PNPLA7: variants seen among roughly 807,000 people sequenced by gnomAD.
The protein encoded by PNPLA7 is patatin like domain 7, lysophospholipase, also known as patatin-like phospholipase domain-containing protein 7.
In PNPLA7, 153 loss-of-function variants were observed where a neutral mutation model predicts 161.7. The ratio of observed to expected loss-of-function variants is 0.95; its 90% CI spans 0.83 to 1.08. The LOEUF (loss-of-function observed/expected upper bound fraction) is 1.08, where lower values mean the gene tolerates loss of function less well. Ranked by LOEUF, PNPLA7 falls within the 50% of genes least tolerant of loss-of-function variation. The pLI is 0.00. For synonymous variants in PNPLA7, 809 were observed against 782.1 expected, an observed-to-expected ratio of 1.03 and a Z score of -0.57; for missense variants, 1,739 against 1,856.6, an observed-to-expected ratio of 0.94 and a Z score of 1.16.
At chr9:137,511,129 C>T (rs1483231025) in intron 12 of PNPLA7, among the ~76,000 whole-genome samples, 2 of 152,196 alleles carry the variant, frequency 1.3e-5, no homozygotes, top group African/African-American at 4.8e-5. Context: ...GTGCCAGTGC[C>T]TGGGAAGGCA....
chr9:137,481,469 G>A, intron 21 of PNPLA7, among the ~76,000 whole-genome samples: 1 of 152,176 alleles, frequency 6.6e-6, no homozygotes, highest in East Asian at 1.9e-4. Context: ...CTGTTCGTAT[G>A]CATCTTCCAC....
At chr9:137,542,202 C>T (rs1215325743) in intron 7 of PNPLA7, among the ~76,000 whole-genome samples, 1 of 152,224 alleles carries the variant, frequency 6.6e-6, no homozygotes, top group Non-Finnish European at 1.5e-5. Flanking sequence ...AGCCCAGTGC[C>T]TCATGCCTGT....
At chr9:137,461,473 A>G (rs1471122139) in intron 33 of PNPLA7, 63 bp downstream of exon 33, 12 of 1,501,004 alleles carry the variant, frequency 8.0e-6, no homozygotes, top group Non-Finnish European at 1.1e-5. Flanking sequence ...GGGGGGTTCA[A>G]GCCCAACACA....
rs2132477679 is a variant in PNPLA7 at position 137,520,830 on chromosome 9, A to AGGGTC, written c.958-792_958-788dup. Among the ~76,000 whole-genome samples the AGGGTC allele has an allele frequency of 6.6e-6, 1 of 152,370 alleles. No individual in the cohort carries two copies. The highest frequency in any genetic ancestry group is 2.4e-5 in the African/African-American group (1 of 41,602). Reference sequence around the variant, plus strand: ...GTACCCTCCAAACGCGTCACAGTTCAGGGTCAGCTCCGCCCCACCCGGTTC... The same window carrying AGGGTC: ...GTACCCTCCAAACGCGTCACAGTTCAGGGTCGGGTCAGCTCCGCCCCACCCGGTTC... On this transcript the variant is annotated intron_variant, in intron 10 of 34. Coordinates refer to ENST00000406427, the MANE Select transcript of PNPLA7 (RefSeq NM_001098537.3). The surrounding 1 kb of genome is among the most constrained non-coding windows in gnomAD (Gnocchi z 5.2).
chr9:137,502,721 CGGGGGACGG>C (rs1564321647), intron 14 of PNPLA7, among the ~76,000 whole-genome samples: 3 of 12,150 alleles, frequency 2.5e-4, no homozygotes, highest in Non-Finnish European at 4.4e-4. Flanking sequence ...GCGGGGGACG[CGGGGGACGG>C]GGGGGACGAG....
At chr9:137,504,061 A>G (rs1387406922) in intron 14 of PNPLA7, among the ~76,000 whole-genome samples, 7 of 146,734 alleles carry the variant, frequency 4.8e-5, no homozygotes, top group Middle Eastern at 7.1e-3. Flanking sequence ...AGGAAGAAGA[A>G]GAAAGAAGAA....
chr9:137,500,471 G>T lies in PNPLA7; in HGVS notation c.1757+220C>A, dbSNP rs959265259. Among the ~76,000 whole-genome samples, 1 of 152,210 alleles carries T rather than the reference G, an allele frequency of 6.6e-6. No homozygotes were observed. Among genetic ancestry groups the T allele is most frequent in the Non-Finnish European group, 1.5e-5 (1 of 68,038 alleles). On this transcript the variant is annotated intron_variant, in intron 16 of 34. Transcript: ENST00000406427. This position sits in a 1 kb window ranked among gnomAD's most constrained non-coding sequence, Gnocchi z 5.5. ...ACAGCTGGGACCAGACCACAGAGAC[G>T]GCCGTGCGAAGCTGATCGCTGCGGG...
In PNPLA7 at chr9:137,500,646, G is replaced by A. The variant is rs746205850; in HGVS notation, c.1757+45C>T. ...CCACGCGGGGAGGGGTCTCAGGGCA[G>A]GGGGGGCTGGGGCCCGCCCTGAGGT... On this transcript the variant is annotated intron_variant, in intron 16 of 34. Transcript: ENST00000406427. This position sits in a 1 kb window ranked among gnomAD's most constrained non-coding sequence, Gnocchi z 5.5. 1.3e-5 allele frequency: 20 copies of A among 1,576,910 alleles called. No individual in the cohort carries two copies. In the South Asian group the frequency reaches 1.7e-4, roughly 13 times the overall value.
At chr9:137,505,214 T>C (rs1391872843) in intron 14 of PNPLA7, among the ~76,000 whole-genome samples, 1 of 140,830 alleles carries the variant, frequency 7.1e-6, no homozygotes, top group Admixed American at 7.2e-5. Context: ...AAAAAAGCTT[T>C]CCATCATATG....
At chr9:137,482,329 A>G (rs754815181) in intron 21 of PNPLA7, among the ~76,000 whole-genome samples, 7 of 152,256 alleles carry the variant, frequency 4.6e-5, no homozygotes, top group Non-Finnish European at 7.3e-5. Context: ...TCCTGGAAGC[A>G]GCCAAATGCC....
At chr9:137,506,622 G>A (rs953926812) in intron 12 of PNPLA7, among the ~76,000 whole-genome samples, 3 of 152,174 alleles carry the variant, frequency 2.0e-5, no homozygotes, top group African/African-American at 7.2e-5. Context: ...ATCTTGGAGG[G>A]AGGGGGTTGA....
At chr9:137,462,368 GC>G in intron 30 of PNPLA7, 37 bp from the exon 31 acceptor site, 2 of 1,563,358 alleles carry the variant, frequency 1.3e-6, no homozygotes, top group Admixed American at 1.8e-5. Context: ...TCCTGCCCCG[GC>G]CCCTACCCCG....
chr9:137,527,338 A>G (rs1239375463), intron 8 of PNPLA7, among the ~76,000 whole-genome samples: 3 of 151,870 alleles, frequency 2.0e-5, no homozygotes, highest in African/African-American at 7.3e-5. Context: ...CTTGTTCGCA[A>G]TCTTCAAGGG....
rs567581187 is a variant in PNPLA7, at chr9:137,541,682, C to T, written c.666+960G>A. ...GAGCAACACAGCGCCAAAGAGGCCA[C>T]GGCAGGGTCTGGCCCAGCACCCACC... On this transcript the variant is annotated intron_variant, in intron 7 of 34. Coordinates refer to ENST00000406427, the MANE Select transcript of PNPLA7 (RefSeq NM_001098537.3). This position sits in a 1 kb window ranked among gnomAD's most constrained non-coding sequence, Gnocchi z 4.4. Among the ~76,000 whole-genome samples the T allele has an allele frequency of 1.1e-4, 17 of 152,188 alleles. No homozygotes were observed. The highest frequency in any genetic ancestry group is 2.9e-4 in the African/African-American group (12 of 41,444).
chr9:137,505,544 C>T (rs1833867635), intron 14 of PNPLA7, 70 bp downstream of exon 14: 1 of 1,567,284 alleles, frequency 6.4e-7, no homozygotes. Context: ...AACCACTGCC[C>T]AACAGAGGCA....
Position 137,543,688 on chromosome 9 carries a change from C to T in PNPLA7, c.365+36G>A. 1 of 1,612,834 alleles carries T rather than the reference C, an allele frequency of 6.2e-7. No individual in the cohort carries two copies. Among genetic ancestry groups the T allele is most frequent in the South Asian group, 1.1e-5 (1 of 91,038 alleles). Reference sequence around the variant, plus strand: ...GGGGAGGCCAGCACCATGGGGGGCACCTGGGGCAGGATGTGGTCTGAAGGA... The same window carrying T: ...GGGGAGGCCAGCACCATGGGGGGCATCTGGGGCAGGATGTGGTCTGAAGGA... On this transcript the variant is annotated intron_variant, in intron 5 of 34. Transcript: ENST00000406427. This position sits in a 1 kb window ranked among gnomAD's most constrained non-coding sequence, Gnocchi z 6.9.
intron 32 of PNPLA7, 130 bp from the exon 33 acceptor site, chr9:137,461,750 C>A (rs1831208405): frequency 1.6e-6 from 2 of 1,228,416 alleles, no homozygotes; most frequent in Non-Finnish European, 2.3e-6. Flanking sequence ...CAAGTAAGGG[C>A]AGGGACCGGG....
chr9:137,525,867 G>A (rs927697069), intron 8 of PNPLA7, among the ~76,000 whole-genome samples: 10 of 150,014 alleles, frequency 6.7e-5, no homozygotes, highest in African/African-American at 2.2e-4. Flanking sequence ...AGGCACTGGC[G>A]TTACCGCTAG....
intron 20 of PNPLA7, among the ~76,000 whole-genome samples, chr9:137,487,634 A>C (rs571951596): frequency 6.6e-6 from 1 of 152,358 alleles, no homozygotes; most frequent in East Asian, 1.9e-4. Context: ...ATAAAACTCC[A>C]CAATGACAGA....
Sources: gnomAD v4.1 joint callset for allele counts (sites outside exome capture counted in the v4.1 genomes callset) on GRCh38, gnomAD v4.1.1 for gene constraint, Gnocchi (gnomAD v3.1) non-coding constraint, MANE v1.5 for transcripts, NCBI Gene and HGNC (gene_info 2026-07-23, HGNC 2026-07-21) for gene names.